Variants in ZNF385B observed in about 807,000 individuals in gnomAD.
ZNF385B encodes zinc finger protein 385B.
A neutral mutation model predicts 39.2 loss-of-function variants in ZNF385B; 23 were observed. The observed-to-expected ratio is 0.59, with a 90% CI of 0.42 to 0.83. The LOEUF (loss-of-function observed/expected upper bound fraction) is 0.83. ZNF385B is among the 40% of genes least tolerant of loss of function. The probability of loss-of-function intolerance (pLI) is 0.00; values close to 1 mark genes in which losing one functional copy is unlikely to be tolerated. For synonymous variants in ZNF385B, 205 were observed against 222.6 expected (o/e 0.92, Z 0.70); for missense variants, 552 against 598.9 (o/e 0.92, Z 0.82).
At chr2:179,781,758 G>A (rs1383114490) in intron 1 of ZNF385B, among the ~76,000 whole-genome samples, 1 of 152,092 alleles carries the variant, frequency 6.6e-6, no homozygotes, top group Non-Finnish European at 1.5e-5. Context: ...CATTCATCCT[G>A]CCAAGACTGA....
At chr2:179,740,290 C>A (rs1419302425) in intron 3 of ZNF385B, among the ~76,000 whole-genome samples, 1 of 152,154 alleles carries the variant, frequency 6.6e-6, no homozygotes, top group Non-Finnish European at 1.5e-5. Flanking sequence ...GAAATTCACA[C>A]ATCAAATTTG....
chr2:179,725,934 G>GTGTATATATATATATATATATATATATA (rs1559134118), intron 3 of ZNF385B, among the ~76,000 whole-genome samples: 4 of 112,814 alleles, frequency 3.5e-5, no homozygotes, highest in Non-Finnish European at 3.6e-5. Context: ...ATATATATAT[G>GTGTATATATATATATATATATATATATA]TGTATATACA....
At chr2:179,517,434 C>G (rs1215080734) in intron 5 of ZNF385B, among the ~76,000 whole-genome samples, 2 of 150,246 alleles carry the variant, frequency 1.3e-5, no homozygotes, top group African/African-American at 2.4e-5. Flanking sequence ...GAAGTTTTAT[C>G]ATGTACCAAA....
chr2:179,520,845 TA>T (rs1192264960), intron 4 of ZNF385B, among the ~76,000 whole-genome samples: 2 of 152,232 alleles, frequency 1.3e-5, no homozygotes, highest in Non-Finnish European at 2.9e-5. Flanking sequence ...CATACACTAA[TA>T]TTTTTCTTTA....
chr2:179,607,083 T>C (rs1271490081), intron 3 of ZNF385B, among the ~76,000 whole-genome samples: 1 of 152,170 alleles, frequency 6.6e-6, no homozygotes, highest in Non-Finnish European at 1.5e-5. Context: ...CCAGGGAGGA[T>C]GTCAGCATGA....
chr2:179,697,897 T>C (rs371737415), intron 3 of ZNF385B, among the ~76,000 whole-genome samples: 359 of 152,284 alleles, frequency 2.4e-3, no homozygotes, highest in African/African-American at 8.1e-3. Context: ...TGTAGGGACA[T>C]GGATGAAGCT....
intron 6 of ZNF385B, among the ~76,000 whole-genome samples, chr2:179,452,780 T>C (rs917639276): frequency 6.6e-6 from 1 of 152,174 alleles, no homozygotes; most frequent in Non-Finnish European, 1.5e-5. Context: ...TTCTATCATC[T>C]AGAATAAAAG....
At chr2:179,682,718 C>T (rs930355672) in intron 3 of ZNF385B, among the ~76,000 whole-genome samples, 1 of 152,116 alleles carries the variant, frequency 6.6e-6, no homozygotes, top group African/African-American at 2.4e-5. Context: ...AATCCTCTTA[C>T]ATTTGTATGT....
chr2:179,702,531 T>C (rs1437369855), intron 3 of ZNF385B, among the ~76,000 whole-genome samples: 1 of 152,174 alleles, frequency 6.6e-6, no homozygotes, highest in Non-Finnish European at 1.5e-5. Flanking sequence ...GAAAATTGTA[T>C]TACTAGAGCA....
At chr2:179,530,153 G>T (rs1427455513) in intron 4 of ZNF385B, among the ~76,000 whole-genome samples, 1 of 152,088 alleles carries the variant, frequency 6.6e-6, no homozygotes, top group African/African-American at 2.4e-5. Flanking sequence ...ACAGTTTTTG[G>T]CCTTTTGTTT....
rs190581590 is a variant in ZNF385B, at chr2:179,715,696, G to A, written c.298+53807C>T. 7.3e-3 allele frequency among the ~76,000 whole-genome samples: 727 copies of A among 99,202 alleles called. 5 individuals carry two copies. The highest frequency in any genetic ancestry group is 0.022 in the African/African-American group (697 of 31,566). 65.1% of individuals were successfully genotyped at this position (99,202 alleles called of 152,430 possible). A position where few individuals can be genotyped will look rare whatever the true frequency, so the allele number is the denominator to read the frequency against. On this transcript the variant is annotated intron_variant, in intron 3 of 9. Transcript: ENST00000410066. ...TGCAAAATACCCTTTTACTTTATAA[G>A]GGTAAATTAATATTTACCCATTATA...
chr2:179,546,825 G>T (rs1188684579), intron 3 of ZNF385B, among the ~76,000 whole-genome samples: 4 of 149,598 alleles, frequency 2.7e-5, no homozygotes, highest in African/African-American at 5.0e-5. Flanking sequence ...TAGTGGCTGT[G>T]TTAATTTACC....
intron 3 of ZNF385B, among the ~76,000 whole-genome samples, chr2:179,719,251 G>C (rs1326853819): frequency 6.6e-6 from 1 of 152,060 alleles, no homozygotes; most frequent in African/African-American, 2.4e-5. Flanking sequence ...TATTTAAGAT[G>C]ACCATTCCTA....
At chr2:179,697,561 T>G (rs936813750) in intron 3 of ZNF385B, among the ~76,000 whole-genome samples, 9 of 152,286 alleles carry the variant, frequency 5.9e-5, no homozygotes, top group African/African-American at 2.2e-4. Flanking sequence ...GCAGTTCTTA[T>G]AGCAATGTGA....
chr2:179,466,943 A>AAAAAAAAAG (rs1559276782), intron 6 of ZNF385B, among the ~76,000 whole-genome samples: 4 of 145,918 alleles, frequency 2.7e-5, no homozygotes, highest in African/African-American at 1.0e-4. Context: ...AAAAAAAAAA[A>AAAAAAAAAG]AGAGAGAGAG....
At chr2:179,821,243 A>G (rs1463277550) in intron 1 of ZNF385B, among the ~76,000 whole-genome samples, 1 of 152,158 alleles carries the variant, frequency 6.6e-6, no homozygotes, top group Non-Finnish European at 1.5e-5. Context: ...CTTCTTAAGT[A>G]GTCATCATAA....
At chr2:179,734,715 G>T (rs556842070) in intron 3 of ZNF385B, among the ~76,000 whole-genome samples, 1 of 152,076 alleles carries the variant, frequency 6.6e-6, no homozygotes, top group South Asian at 2.1e-4. Flanking sequence ...ATACTAACAG[G>T]TGAGAAAGAT....
intron 3 of ZNF385B, among the ~76,000 whole-genome samples, chr2:179,756,995 G>A (rs79809202): frequency 3.4e-3 from 519 of 152,270 alleles, no homozygotes; most frequent in South Asian, 7.5e-3. Context: ...GCTTTGTTCT[G>A]TTGCTGGCAA....
intron 4 of ZNF385B, among the ~76,000 whole-genome samples, chr2:179,521,353 G>GTTTTTTTTTTTTTTTTTTTTT (rs56392185): frequency 1.0e-4 from 11 of 108,166 alleles, no homozygotes; most frequent in Non-Finnish European, 1.2e-4. Context: ...CACCTGGCCA[G>GTTTTTTTTTTTTTTTTTTTTT]TTTTTTTTTT....
Sources: allele counts gnomAD v4.1 joint callset (sites outside exome capture counted in the v4.1 genomes callset), GRCh38; gene constraint gnomAD v4.1.1; transcripts MANE v1.5; gene names NCBI Gene and HGNC (gene_info 2026-07-23, HGNC 2026-07-21).